The following SYNGR1 variants were observed in gnomAD, a reference collection of about 807,000 sequenced individuals.
SYNGR1 encodes synaptogyrin 1.
A neutral mutation model predicts 26.1 loss-of-function variants in SYNGR1; 14 were observed. The observed-to-expected ratio is 0.54, with a 90% confidence interval of 0.35 to 0.84. The LOEUF is 0.84. Ranked by LOEUF, SYNGR1 falls within the 40% of genes least tolerant of loss-of-function variation. SYNGR1 has a pLI of 0.01. For synonymous variants in SYNGR1, 141 were observed against 150.1 expected (o/e 0.94, Z 0.44); for missense variants, 319 against 332.9 (o/e 0.96, Z 0.33).
chr22:39,371,476 CA>C (rs370784123), intron 1 of SYNGR1, among the ~76,000 whole-genome samples: 80,081 of 121,718 alleles, frequency 0.66, 24,377 homozygotes, highest in East Asian at 0.95. Context: ...AAGTCCATCT[CA>C]AAAAAAAAAA....
chr22:39,365,768 C>T (rs965019657), intron 1 of SYNGR1, among the ~76,000 whole-genome samples: 8 of 152,074 alleles, frequency 5.3e-5, no homozygotes, highest in African/African-American at 2.4e-5. Context: ...TTGCAGGCGA[C>T]GGCTCTGCTC....
rs995879821 is a variant in SYNGR1, at chr22:39,382,206, C to T, written c.*292C>T. On this transcript the variant is annotated 3_prime_UTR_variant, in exon 4 of 4. Coordinates refer to ENST00000328933, the MANE Select transcript of SYNGR1 (RefSeq NM_004711.5). ...ATTCCTTGAGCGCCTACTGGGCATCCGGCCTGTGCTGGGCATGGGTGGTGA... is the reference window on the plus strand; with the variant it reads ...ATTCCTTGAGCGCCTACTGGGCATCTGGCCTGTGCTGGGCATGGGTGGTGA... 7.2e-5 allele frequency: 38 copies of T among 530,052 alleles called. No homozygotes were observed. The highest frequency in any genetic ancestry group is 5.2e-4 in the Middle Eastern group (1 of 1,926). 32.8% of individuals were successfully genotyped at this position (530,052 alleles called of 1,614,324 possible).
intron 1 of SYNGR1, among the ~76,000 whole-genome samples, chr22:39,351,131 G>A (rs1214528143): frequency 1.3e-5 from 2 of 152,142 alleles, no homozygotes; most frequent in East Asian, 3.9e-4. Context: ...GGGTTTGGCT[G>A]GCTGTATCCC....
intron 1 of SYNGR1, among the ~76,000 whole-genome samples, chr22:39,365,278 G>A (rs1365134897): frequency 6.6e-6 from 1 of 152,128 alleles, no homozygotes; most frequent in Non-Finnish European, 1.5e-5. Context: ...TGCTGTCCCT[G>A]CAGATCTGGC....
chr22:39,377,016 G>C, intron 3 of SYNGR1: 1 of 1,550,888 alleles, frequency 6.4e-7, no homozygotes, highest in Non-Finnish European at 8.7e-7. Flanking sequence ...CTTCTGCAGA[G>C]ATCTGGGGCC....
rs376305995 is a variant in SYNGR1 at position 39,352,948 on chromosome 22, G to A, written c.99+2839G>A. Among the ~76,000 whole-genome samples, 322 of 152,010 alleles carry A rather than the reference G, an allele frequency of 2.1e-3. 18 individuals carry two copies. The South Asian group carries it at 0.066, about 31-fold the overall frequency. On this transcript the variant is annotated intron_variant, in intron 1 of 3. Transcript: ENST00000328933. ...GCCATCTCGGCTCATTGCAACCTCC[G>A]CCTCCCAGGTTCAAGCAACTCTACT...
intron 1 of SYNGR1, among the ~76,000 whole-genome samples, chr22:39,359,684 T>G (rs2413589): frequency 6.8e-6 from 1 of 147,110 alleles, no homozygotes; most frequent in Non-Finnish European, 1.5e-5. Flanking sequence ...TTGGTGTCAG[T>G]CCTCTCCAGC....
intron 1 of SYNGR1, among the ~76,000 whole-genome samples, chr22:39,366,860 A>T (rs777370052): frequency 1.4e-4 from 22 of 152,164 alleles, no homozygotes; most frequent in Non-Finnish European, 2.6e-4. Flanking sequence ...TTCAGCCTGC[A>T]GTGTCTCCTG....
rs1043824421 is a variant in SYNGR1 at position 39,350,575 on chromosome 22, G to T, written c.99+466G>T. 2.0e-5 allele frequency among the ~76,000 whole-genome samples: 3 copies of T among 152,130 alleles called. No homozygotes were observed. Among genetic ancestry groups the T allele is most frequent in the African/African-American group, 7.2e-5 (3 of 41,446 alleles). On this transcript the variant is annotated intron_variant, in intron 1 of 3. Transcript: ENST00000328933. The surrounding 1 kb of genome is among the most constrained non-coding windows in gnomAD (Gnocchi z 4.3). ...CTGCGATGGACGTTGGAGGAGGAGA[G>T]GGCCGGGAACCGGGTTCGTATTGCC... is the stretch of plus-strand genomic sequence containing the variant.
intron 1 of SYNGR1, among the ~76,000 whole-genome samples, chr22:39,370,381 C>T (rs942611790): frequency 6.6e-6 from 1 of 152,114 alleles, no homozygotes; most frequent in African/African-American, 2.4e-5. Flanking sequence ...CCACCCGCCT[C>T]GGCCTCCCAA....
chr22:39,368,475 C>A (rs908185879), intron 1 of SYNGR1, among the ~76,000 whole-genome samples: 1 of 152,330 alleles, frequency 6.6e-6, no homozygotes, highest in African/African-American at 2.4e-5. Flanking sequence ...AAACTTGTGA[C>A]CTGTGATGAA....
intron 1 of SYNGR1, among the ~76,000 whole-genome samples, chr22:39,362,809 ATTCTCCTTTCTAC>A (rs1488789583): frequency 6.6e-6 from 1 of 151,880 alleles, no homozygotes; most frequent in Non-Finnish European, 1.5e-5. Context: ...GGAGGGGATG[ATTCTCCTTTCTAC>A]CCCCCGTGCT....
At chr22:39,379,151 G>A (rs5757648) in intron 3 of SYNGR1, among the ~76,000 whole-genome samples, 105,900 of 152,068 alleles carry the variant, frequency 0.7, 37,247 homozygotes, top group East Asian at 1. Flanking sequence ...TCAGGCTCCG[G>A]CGTCTGAGCC....
At chr22:39,377,044 C>G (rs1397543436) in intron 3 of SYNGR1, 24 of 1,550,896 alleles carry the variant, frequency 1.5e-5, no homozygotes, top group Non-Finnish European at 1.9e-5. Context: ...CTCCATAGCC[C>G]CATCCCAAGA....
At chr22:39,355,816 G>A (rs951746844) in intron 1 of SYNGR1, among the ~76,000 whole-genome samples, 10 of 152,244 alleles carry the variant, frequency 6.6e-5, no homozygotes, top group South Asian at 2.1e-4. Context: ...TCAGGAGTTC[G>A]AGACCAGCCT....
At chr22:39,380,201 G>A (rs1013231666) in intron 3 of SYNGR1, among the ~76,000 whole-genome samples, 10 of 149,926 alleles carry the variant, frequency 6.7e-5, no homozygotes, top group African/African-American at 9.8e-5. Flanking sequence ...CAGGCTAGGC[G>A]CGGTCACATT....
At chr22:39,363,526 C>T (rs1924586988) in intron 1 of SYNGR1, among the ~76,000 whole-genome samples, 1 of 151,904 alleles carries the variant, frequency 6.6e-6, no homozygotes, top group Non-Finnish European at 1.5e-5. Context: ...GCAGCTGGTG[C>T]TGGGGAGGCT....
At chr22:39,369,167 C>T (rs2077440938) in intron 1 of SYNGR1, among the ~76,000 whole-genome samples, 1 of 152,156 alleles carries the variant, frequency 6.6e-6, no homozygotes, top group South Asian at 2.1e-4. Context: ...CAGGACTGGG[C>T]CTCAGGTTCC....
At position 39,353,978 on chromosome 22, in the gene SYNGR1, C is replaced by T. The variant is rs531667875; in HGVS notation, c.99+3869C>T. Among the ~76,000 whole-genome samples the T allele has an allele frequency of 3.8e-3, 578 of 152,240 alleles. 19 individuals carry two copies. The South Asian group carries it at 0.065, about 17-fold the overall frequency. On this transcript the variant is annotated intron_variant, in intron 1 of 3. Transcript: ENST00000328933. ...TCCTGGTTTCAAGTGATTCTCCTGC[C>T]TCAGCCTCCCAAATAGCTGGGATTA...
Sources: allele counts gnomAD v4.1 joint callset (sites outside exome capture counted in the v4.1 genomes callset), GRCh38; gene constraint gnomAD v4.1.1; non-coding constraint Gnocchi (gnomAD v3.1); transcripts MANE v1.5; gene names NCBI Gene and HGNC (gene_info 2026-07-23, HGNC 2026-07-21).